MTAP: variants seen among roughly 807,000 people sequenced by gnomAD.
MTAP encodes methylthioadenosine phosphorylase, also known as S-methyl-5'-thioadenosine phosphorylase.
MTAP carries 33 observed loss-of-function variants against 33.6 expected under a neutral mutation model. The ratio of observed to expected loss-of-function variants is 0.98; its 90% CI spans 0.74 to 1.31. The LOEUF is 1.31. Among genes scored for constraint, MTAP ranks in the 40% most tolerant of loss-of-function variants. MTAP has a pLI of 0.00. For synonymous variants in MTAP, 148 were observed against 125.7 expected (o/e 1.18, Z -1.19); for missense variants, 367 against 360.0 (o/e 1.02, Z -0.16).
downstream of MTAP, among the ~76,000 whole-genome samples, chr9:21,871,324 A>G (rs555948847): frequency 1.3e-5 from 2 of 152,300 alleles, no homozygotes; most frequent in African/African-American, 4.8e-5. Flanking sequence ...CTCCAAGCAG[A>G]CCAGGCTCCT....
rs543644530 is a variant in MTAP at position 21,879,568 on chromosome 9, A to G, written c.147+24698A>G. Among the ~76,000 whole-genome samples the G allele has an allele frequency of 3.9e-5, 6 of 152,180 alleles. No individual in the cohort carries two copies. The South Asian group carries it at 1.2e-3, about 32-fold the overall frequency. ...TTGTTTACATTCAAGGTTAGTATCA[A>G]TATGTGTGGATTTGATCCTGTCATT... On this transcript the variant is annotated intron_variant, in intron 1 of 1. Transcript: ENST00000577563.
In MTAP at chr9:21,816,758, C is replaced by T. The variant is rs759133242; in HGVS notation, c.165C>T (p.Cys55=). The T allele has an allele frequency of 3.1e-5, 50 of 1,611,584 alleles. No individual in the cohort carries two copies. Among genetic ancestry groups the T allele is most frequent in the Non-Finnish European group, 3.6e-5 (43 of 1,178,966 alleles). Residue 55 remains cysteine (C), a synonymous_variant, in exon 3 of 8, where the codon TGC becomes TGT. Coordinates refer to ENST00000644715, the MANE Select transcript of MTAP (RefSeq NM_002451.4). Reference sequence around the variant, plus strand: ...TGGGGAAGATAAAAAATGTTGATTGCGTCCTCCTTGCAAGGTATGGTATTT... The same window carrying T: ...TGGGGAAGATAAAAAATGTTGATTGTGTCCTCCTTGCAAGGTATGGTATTT... The part of the protein sequence containing the change: ...LILGKIKNVD[C]VLLARHGRQH...
intron 1 of MTAP, among the ~76,000 whole-genome samples, chr9:21,884,346 T>A (rs1818072238): frequency 6.6e-6 from 1 of 152,222 alleles, no homozygotes; most frequent in South Asian, 2.1e-4. Flanking sequence ...GATTGTGGTA[T>A]ACTTATATGA....
intron 1 of MTAP, among the ~76,000 whole-genome samples, chr9:21,883,590 A>G (rs956564399): frequency 6.6e-6 from 1 of 151,944 alleles, no homozygotes; most frequent in Admixed American, 6.6e-5. Context: ...CTATGATTAA[A>G]TAGCAACTAT....
intron 4 of MTAP, among the ~76,000 whole-genome samples, chr9:21,827,356 G>A (rs1369293875): frequency 6.6e-6 from 1 of 152,124 alleles, no homozygotes; most frequent in Non-Finnish European, 1.5e-5. Context: ...TGGGAGAGAG[G>A]GTTGTCCAGT....
intron 1 of MTAP, among the ~76,000 whole-genome samples, chr9:21,903,282 C>T (rs1024568722): frequency 4.6e-5 from 7 of 152,126 alleles, no homozygotes; most frequent in African/African-American, 1.7e-4. Context: ...CCATGGCTTT[C>T]GTGAACAAGT....
chr9:21,899,896 C>G (rs1818361612), intron 1 of MTAP, among the ~76,000 whole-genome samples: 1 of 152,164 alleles, frequency 6.6e-6, no homozygotes, highest in South Asian at 2.1e-4. Flanking sequence ...ATCATCTGAT[C>G]TTTGACAAAG....
intron 4 of MTAP, 105 bp downstream of exon 4, chr9:21,818,307 G>T: frequency 1.2e-4 from 46 of 384,512 alleles, no homozygotes; most frequent in East Asian, 2.9e-4. Flanking sequence ...CAGTGCCACA[G>T]ACTCGCTTGC....
At chr9:21,821,746 A>T (rs965932868) in intron 4 of MTAP, among the ~76,000 whole-genome samples, 3 of 152,058 alleles carry the variant, frequency 2.0e-5, no homozygotes, top group African/African-American at 7.2e-5. Flanking sequence ...CTGTGAATCC[A>T]TCTGGTCCTG....
chr9:21,923,359 CCTA>C (rs1378786091), intron 1 of MTAP, among the ~76,000 whole-genome samples: 1 of 152,146 alleles, frequency 6.6e-6, no homozygotes, highest in Non-Finnish European at 1.5e-5. Context: ...AAGGATCTCA[CCTA>C]CTTGCTTTTT....
At position 21,817,064 on chromosome 9, in the gene MTAP, C is replaced by T. The variant is rs1824493605; in HGVS notation, c.179+292C>T. 3.9e-5 allele frequency among the ~76,000 whole-genome samples: 6 copies of T among 152,238 alleles called. No homozygotes were observed. In the South Asian group the frequency reaches 1.0e-3, roughly 26 times the overall value. On this transcript the variant is annotated intron_variant, in intron 3 of 7. Transcript: ENST00000644715. ...AAATGTTTTGTTCATTTTTTTCCCC[C>T]TTCTTATAAAGATAAAGAAAAACAA... is the stretch of plus-strand genomic sequence containing the variant.
At chr9:21,874,064 C>T (rs1276942404) in intron 1 of MTAP, among the ~76,000 whole-genome samples, 1 of 152,132 alleles carries the variant, frequency 6.6e-6, no homozygotes, top group Admixed American at 6.6e-5. Flanking sequence ...CTCTGTTTGA[C>T]CTCACTTTAG....
chr9:21,807,028 G>A (rs1242610301), intron 1 of MTAP, among the ~76,000 whole-genome samples: 1 of 152,128 alleles, frequency 6.6e-6, no homozygotes, highest in Admixed American at 6.5e-5. Context: ...GCCAGGCACG[G>A]TGCTGCACGC....
chr9:21,931,942 G>A (rs1038959038), downstream of MTAP: 3 of 152,164 alleles, frequency 2.0e-5, no homozygotes, highest in Admixed American at 6.5e-5. Context: ...CTAACAGGAG[G>A]ATAACTTGAG....
At chr9:21,822,888 T>G (rs1387706545) in intron 4 of MTAP, among the ~76,000 whole-genome samples, 4 of 152,246 alleles carry the variant, frequency 2.6e-5, no homozygotes, top group African/African-American at 9.6e-5. Flanking sequence ...TGTAATGGCC[T>G]TCTTTGTCTC....
chr9:21,852,021 C>T (rs1189141222), intron 5 of MTAP, among the ~76,000 whole-genome samples: 1 of 152,094 alleles, frequency 6.6e-6, no homozygotes, highest in Non-Finnish European at 1.5e-5. Context: ...AGTTATGTCC[C>T]TCTAGAGAAC....
intron 1 of MTAP, among the ~76,000 whole-genome samples, chr9:21,811,198 T>G (rs1365946905): frequency 6.6e-6 from 1 of 152,210 alleles, no homozygotes; most frequent in East Asian, 1.9e-4. Flanking sequence ...AATGCCATTA[T>G]AGAGTGCTGG....
downstream of MTAP, among the ~76,000 whole-genome samples, chr9:21,938,455 A>C (rs1819078031): frequency 6.6e-6 from 1 of 151,660 alleles, no homozygotes; most frequent in Non-Finnish European, 1.5e-5. Context: ...GAAAGAAAGA[A>C]AGGGAAAAAG....
chr9:21,840,292 T>C (rs376126655), intron 5 of MTAP, among the ~76,000 whole-genome samples: 33 of 151,318 alleles, frequency 2.2e-4, no homozygotes, highest in African/African-American at 6.5e-4. Flanking sequence ...GAATAGCATA[T>C]GGAGACACTA....
Sources: allele counts gnomAD v4.1 joint callset (sites outside exome capture counted in the v4.1 genomes callset), GRCh38; gene constraint gnomAD v4.1.1; transcripts MANE v1.5; gene names NCBI Gene and HGNC (gene_info 2026-07-23, HGNC 2026-07-21).